The following ZNF484 variants were observed in gnomAD, a reference collection of about 807,000 sequenced individuals.
The protein encoded by ZNF484 is zinc finger protein 484, also known as KRAB box containing C2H2 type zinc finger bA526D8.4.
ZNF484 carries 11 observed loss-of-function variants against 12.9 expected under a neutral mutation model. The ratio of observed to expected loss-of-function variants is 0.85; its 90% CI spans 0.54 to 1.41. ZNF484 has a LOEUF of 1.41. ZNF484 is among the 40% of genes most tolerant of loss of function. The probability of loss-of-function intolerance (pLI) is 0.00; values close to 1 mark genes in which losing one functional copy is unlikely to be tolerated. For missense variants in ZNF484, 807 were observed against 1,007.7 expected, an observed-to-expected ratio of 0.80 and a Z score of 2.70; for synonymous variants, 289 against 334.1, an observed-to-expected ratio of 0.86 and a Z score of 1.47.
At position 92,867,824 on chromosome 9, in the gene ZNF484, G is replaced by A. The variant is rs114306090; in HGVS notation, c.15+7191C>T. ...TTTCTGTAATGAACTATAAGCATGA[G>A]TATAATGGCTTTCCTGAGTTGTGTA... On this transcript the variant is annotated intron_variant, in intron 2 of 4. Coordinates refer to ENST00000375495, the MANE Select transcript of ZNF484 (RefSeq NM_031486.4). Among the ~76,000 whole-genome samples the A allele has an allele frequency of 3.8e-3, 581 of 152,292 alleles. 1 individual carries two copies. Among genetic ancestry groups the A allele is most frequent in the African/African-American group, 0.013 (544 of 41,550 alleles).
chr9:92,846,196 C>T lies in ZNF484; in HGVS notation c.*32G>A. ...TCTCCCCATATGTGTAACTACACATCAGCTATATGATCCAGATGTTCATAA... is the reference window on the plus strand; with the variant it reads ...TCTCCCCATATGTGTAACTACACATTAGCTATATGATCCAGATGTTCATAA... On this transcript the variant is annotated 3_prime_UTR_variant, in exon 5 of 5. Coordinates refer to ENST00000375495, the MANE Select transcript of ZNF484 (RefSeq NM_031486.4). 1 of 1,589,436 alleles carries T rather than the reference C, an allele frequency of 6.3e-7. No homozygotes were observed.
intron 4 of ZNF484, among the ~76,000 whole-genome samples, chr9:92,852,529 CTTTTT>C (rs760841960): frequency 1.6e-5 from 1 of 63,450 alleles, no homozygotes; most frequent in Non-Finnish European, 2.7e-5. Context: ...CACGCCCAGC[CTTTTT>C]TTTTTTTTTT....
intron 4 of ZNF484, among the ~76,000 whole-genome samples, chr9:92,851,596 A>G (rs955388825): frequency 3.9e-5 from 6 of 152,210 alleles, no homozygotes; most frequent in African/African-American, 4.8e-5. Flanking sequence ...ATGACTTTCT[A>G]GAAACTTTGT....
intron 2 of ZNF484, among the ~76,000 whole-genome samples, chr9:92,869,026 G>A (rs533729879): frequency 6.6e-6 from 1 of 152,144 alleles, no homozygotes; most frequent in East Asian, 1.9e-4. Context: ...GCCTGGGTTG[G>A]GGGATCAAAT....
intron 2 of ZNF484, among the ~76,000 whole-genome samples, chr9:92,871,149 A>T (rs528884764): frequency 4.5e-4 from 69 of 152,258 alleles, no homozygotes; most frequent in Non-Finnish European, 7.3e-4. Context: ...TTATTTCATA[A>T]GGATTTTAAA....
At position 92,847,644 on chromosome 9, in the gene ZNF484, C is replaced by CCCT; in HGVS notation, c.1140_1142dup (p.Gly381dup). ...CACATTCAGTACATTCAAAGTGTTTCCCTCCAGTATGAATTTTTTTATGTA... is the reference window on the plus strand; with the variant it reads ...CACATTCAGTACATTCAAAGTGTTTCCCTCCTCCAGTATGAATTTTTTTATGTA... On this transcript the variant is annotated inframe_insertion, in exon 5 of 5. Coordinates refer to ENST00000375495, the MANE Select transcript of ZNF484 (RefSeq NM_031486.4). 1.9e-6 allele frequency: 3 copies of CCCT among 1,613,688 alleles called. No homozygotes were observed. The highest frequency in any genetic ancestry group is 2.5e-6 in the Non-Finnish European group (3 of 1,179,948).
In ZNF484 at chr9:92,847,315, G is replaced by C. The variant is rs1165589032; in HGVS notation, c.1472C>G (p.Thr491Arg). Reference protein sequence around the residue: ...TNLIIHQKIHTGERPYICTVC... With the variant: ...TNLIIHQKIHRGERPYICTVC... ...AGTACATATATAGGGTCTTTCTCCTGTATGAATTTTCTGGTGTATAATGAG... is the reference window on the plus strand; with the variant it reads ...AGTACATATATAGGGTCTTTCTCCTCTATGAATTTTCTGGTGTATAATGAG... The change falls in exon 5 of 5, where the codon ACA becomes AGA. Residue 491 changes from threonine to arginine, a missense_variant. Thr to Arg is a moderately conservative substitution (Grantham distance 71). Coordinates refer to ENST00000375495, the MANE Select transcript of ZNF484 (RefSeq NM_031486.4). The C allele has an allele frequency of 6.2e-7, 1 of 1,613,626 alleles. No individual in the cohort carries two copies. The highest frequency in any genetic ancestry group is 8.5e-7 in the Non-Finnish European group (1 of 1,179,872).
intron 2 of ZNF484, among the ~76,000 whole-genome samples, chr9:92,860,484 G>A (rs1378814373): frequency 1.3e-5 from 2 of 151,510 alleles, no homozygotes; most frequent in Non-Finnish European, 2.9e-5. Context: ...GGCGCCTGTA[G>A]TCCCAGCTAC....
Position 92,847,456 on chromosome 9 carries a change from T to C in ZNF484, c.1331A>G (p.Asp444Gly). The C allele has an allele frequency of 6.2e-7, 1 of 1,612,930 alleles. No individual in the cohort carries two copies. Among genetic ancestry groups the C allele is most frequent in the Non-Finnish European group, 8.5e-7 (1 of 1,179,656 alleles). ...HTGEKPYECS[D>G]CGKSFIKKSQ... is the part of the protein sequence containing the mutation. ...TTTTTTAATAAAGGATTTCCCACAG[T>C]CACTGCATTCATAGGGTTTTTCTCC... The change falls in exon 5 of 5, where the codon GAC becomes GGC. Residue 444 changes from aspartate (D) to glycine (G), a missense_variant. By Grantham distance (94) the Asp-to-Gly change is moderately conservative. Transcript: ENST00000375495.
chr9:92,862,608 C>A (rs10992498), intron 2 of ZNF484, among the ~76,000 whole-genome samples: 24,630 of 135,460 alleles, frequency 0.18, 2,245 homozygotes, highest in East Asian at 0.43. Context: ...AATGAGAAGT[C>A]TGTATGCAGT....
At chr9:92,875,118 A>G (rs1254157012) in intron 1 of ZNF484, 59 bp from the exon 2 acceptor site, 5 of 1,483,284 alleles carry the variant, frequency 3.4e-6, no homozygotes, top group Non-Finnish European at 3.7e-6. Flanking sequence ...AATGTCACAC[A>G]TGGACACATA....
chr9:92,865,583 C>T (rs1174679666), intron 2 of ZNF484, among the ~76,000 whole-genome samples: 2 of 152,126 alleles, frequency 1.3e-5, no homozygotes, highest in African/African-American at 4.8e-5. Flanking sequence ...GCGTAACAAA[C>T]TTTGCAAAGC....
At chr9:92,850,387 A>G (rs539197249) in intron 4 of ZNF484, among the ~76,000 whole-genome samples, 2 of 152,286 alleles carry the variant, frequency 1.3e-5, no homozygotes, top group African/African-American at 4.8e-5. Context: ...AAATCCTCAC[A>G]ATCTTCCTGT....
chr9:92,874,123 T>C (rs1481638355), intron 2 of ZNF484, among the ~76,000 whole-genome samples: 1 of 152,210 alleles, frequency 6.6e-6, no homozygotes, highest in Non-Finnish European at 1.5e-5. Flanking sequence ...CTCAAGGTTG[T>C]TTCAGAAGGT....
At chr9:92,857,342 C>T (rs892113417) in intron 2 of ZNF484, among the ~76,000 whole-genome samples, 1 of 152,160 alleles carries the variant, frequency 6.6e-6, no homozygotes, top group East Asian at 1.9e-4. Flanking sequence ...AGCTTTTGTC[C>T]TGGATTCTCA....
rs183191854 is a variant in ZNF484 at position 92,876,257 on chromosome 9, G to C, written c.-30-1198C>G. 3.8e-4 allele frequency among the ~76,000 whole-genome samples: 58 copies of C among 152,188 alleles called. No individual in the cohort carries two copies. In the East Asian group the frequency reaches 7.1e-3, roughly 19 times the overall value. On this transcript the variant is annotated intron_variant, in intron 1 of 4. Coordinates refer to ENST00000375495, the MANE Select transcript of ZNF484 (RefSeq NM_031486.4). ...AAAAAAACAGAAAAAATGGGGTGCA[G>C]AATGGAAACAATGAGCAGAAATTTC...
chr9:92,851,936 C>T lies in ZNF484; in HGVS notation c.236-3385G>A, dbSNP rs186411992. ...ATATTTGAATTGGCATAGATGTGCA[C>T]GTTAACAAAAGTGTAATGCACAAAG... is the stretch of plus-strand genomic sequence containing the variant. On this transcript the variant is annotated intron_variant, in intron 4 of 4. Coordinates refer to ENST00000375495, the MANE Select transcript of ZNF484 (RefSeq NM_031486.4). 2.2e-4 allele frequency among the ~76,000 whole-genome samples: 33 copies of T among 152,240 alleles called. No individual in the cohort carries two copies. In the East Asian group the frequency reaches 4.2e-3, roughly 20 times the overall value.
At chr9:92,862,094 A>C in intron 2 of ZNF484, 1 of 919,828 alleles carries the variant, frequency 1.1e-6, no homozygotes, top group Non-Finnish European at 1.3e-6. Context: ...GTGAAAATAA[A>C]ATAGGCTCTG....
intron 2 of ZNF484, among the ~76,000 whole-genome samples, chr9:92,863,571 A>C (rs1442919112): frequency 3.3e-5 from 5 of 152,234 alleles, no homozygotes; most frequent in Non-Finnish European, 5.9e-5. Flanking sequence ...AGAAAAAGAA[A>C]TTGGTGTAGA....
Sources: gnomAD v4.1 joint callset for allele counts (sites outside exome capture counted in the v4.1 genomes callset) on GRCh38, gnomAD v4.1.1 for gene constraint, MANE v1.5 for transcripts, NCBI Gene and HGNC (gene_info 2026-07-23, HGNC 2026-07-21) for gene names.